Variants in SLC16A5 observed in about 807,000 individuals in gnomAD.
The protein encoded by SLC16A5 is solute carrier family 16 member 5.
A neutral mutation model predicts 33.2 loss-of-function variants in SLC16A5; 29 were observed. The observed-to-expected ratio is 0.87, with a 90% confidence interval of 0.65 to 1.19. SLC16A5 has a LOEUF of 1.19. Ranked by LOEUF, SLC16A5 falls within the 50% of genes most tolerant of loss-of-function variation. The probability of loss-of-function intolerance (pLI) is 0.00; values close to 1 mark genes in which losing one functional copy is unlikely to be tolerated. For synonymous variants in SLC16A5, 248 were observed against 284.1 expected (o/e 0.87, Z 1.28); for missense variants, 606 against 678.2 (o/e 0.89, Z 1.18).
In SLC16A5 at chr17:75,096,491, T is replaced by A. The variant is rs79459583; in HGVS notation, c.200-1547T>A. On this transcript the variant is annotated intron_variant, in intron 3 of 6. Transcript: ENST00000329783. ...GGCCACCAGCCTCTGCTTGATTATG[T>A]CTGCGACGGGCTGCTCACTTAGTCT... 8.1e-3 allele frequency among the ~76,000 whole-genome samples: 1,217 copies of A among 151,118 alleles called. 54 individuals are homozygous for A. In the East Asian group the frequency reaches 0.12, roughly 15 times the overall value.
intron 2 of SLC16A5, among the ~76,000 whole-genome samples, chr17:75,091,314 A>C (rs1303918021): frequency 6.6e-6 from 1 of 152,158 alleles, no homozygotes; most frequent in East Asian, 1.9e-4. Context: ...GAGGGAACAG[A>C]AATCTTGGGA....
chr17:75,105,167 C>T (rs948363989), intron 6 of SLC16A5: 14 of 985,276 alleles, frequency 1.4e-5, no homozygotes, highest in East Asian at 1.1e-4. Flanking sequence ...CCCATCCTGG[C>T]GCCTGTGCAG....
intron 3 of SLC16A5, among the ~76,000 whole-genome samples, chr17:75,094,558 T>G (rs568855294): frequency 0.02 from 3,047 of 151,552 alleles, 96 homozygotes; most frequent in African/African-American, 0.069. Context: ...TGGTGGCGGG[T>G]GCCTGTAATC....
intron 6 of SLC16A5, 22 bp downstream of exon 6, chr17:75,104,202 C>T: frequency 6.2e-7 from 1 of 1,611,902 alleles, no homozygotes; most frequent in African/African-American, 1.3e-5. Context: ...GCGTCTAAGA[C>T]CCAGGGTTCA....
rs757462263 is a variant in SLC16A5 at position 75,100,039 on chromosome 17, A to G, written c.376A>G (p.Ile126Val). 1 of 1,612,638 alleles carries G rather than the reference A, an allele frequency of 6.2e-7. No homozygotes were observed. Among genetic ancestry groups the G allele is most frequent in the South Asian group, 1.1e-5 (1 of 91,052 alleles). ...CATGTGCTTCAGCTTCCAGTCAAGCATCACGGTGCTGGGCTTCTACTTTGT... is the reference window on the plus strand; with the variant it reads ...CATGTGCTTCAGCTTCCAGTCAAGCGTCACGGTGCTGGGCTTCTACTTTGT... Reference protein sequence around the residue: ...LGMCFSFQSSITVLGFYFVRR... With the variant: ...LGMCFSFQSSVTVLGFYFVRR... The change falls in exon 5 of 7, where the codon ATC becomes GTC. Residue 126 changes from isoleucine to valine, a missense_variant. Coordinates refer to ENST00000329783, the MANE Select transcript of SLC16A5 (RefSeq NM_004695.4).
At chr17:75,101,763 T>C (rs1356456436) in intron 5 of SLC16A5, among the ~76,000 whole-genome samples, 2 of 151,732 alleles carry the variant, frequency 1.3e-5, no homozygotes, top group East Asian at 3.9e-4. Context: ...GCCCCCCAAG[T>C]AGCTGGGACT....
chr17:75,102,414 A>AC (rs918550997), intron 5 of SLC16A5, among the ~76,000 whole-genome samples: 5 of 152,010 alleles, frequency 3.3e-5, no homozygotes, highest in African/African-American at 1.2e-4. Flanking sequence ...ACTCGAAAAA[A>AC]ATAAAAGGTC....
intron 3 of SLC16A5, among the ~76,000 whole-genome samples, chr17:75,097,237 T>G (rs2073732043): frequency 6.6e-6 from 1 of 151,948 alleles, no homozygotes; most frequent in South Asian, 2.1e-4. Flanking sequence ...AGTTGCACTC[T>G]CGGAGAGTAA....
At chr17:75,093,274 T>C (rs867536164) in intron 2 of SLC16A5, 7 of 749,078 alleles carry the variant, frequency 9.3e-6, no homozygotes, top group Admixed American at 2.5e-5. Context: ...GACTTCTAAG[T>C]GATGTAACAA....
intron 6 of SLC16A5, 30 bp from the exon 7 acceptor site, chr17:75,105,850 C>G (rs763602965): frequency 6.5e-7 from 1 of 1,549,634 alleles, no homozygotes; most frequent in Non-Finnish European, 8.8e-7. Flanking sequence ...GCAAGAAAAC[C>G]TTATCAGGAG....
In SLC16A5 at chr17:75,105,932, G is replaced by T. The variant is rs764574438; in HGVS notation, c.1417G>T (p.Gly473Ter). 5 of 1,611,962 alleles carry T rather than the reference G, an allele frequency of 3.1e-6. No individual in the cohort carries two copies. In the African/African-American group the frequency reaches 5.3e-5, roughly 17 times the overall value. The part of the protein sequence containing the change: ...RPAGVNKHLW[G>*]CPASSRTSHE... ...AGCTGGCGTCAATAAGCATCTTTGG[G>T]GATGTCCTGCCTCCTCCAGGACCAG... Residue 473 changes from glycine (G) to a stop codon, truncating the protein, a stop_gained, in exon 7 of 7, where the codon GGA becomes TGA. Transcript: ENST00000329783. LOFTEE classifies it low-confidence loss of function (END_TRUNC).
chr17:75,089,880 G>T (rs28377555), intron 2 of SLC16A5: 1 of 151,820 alleles, frequency 6.6e-6, no homozygotes, highest in African/African-American at 2.4e-5. Context: ...ACTCAGGAGC[G>T]GTAGTAAGAA....
intron 6 of SLC16A5, 87 bp from the exon 7 acceptor site, chr17:75,105,793 G>A (rs2073855295): frequency 2.1e-6 from 3 of 1,447,818 alleles, no homozygotes; most frequent in African/African-American, 2.8e-5. Flanking sequence ...AGCAAGGGGT[G>A]CTCAGGTTCA....
intron 5 of SLC16A5, among the ~76,000 whole-genome samples, chr17:75,101,366 A>G (rs1297436233): frequency 6.6e-6 from 1 of 151,118 alleles, no homozygotes; most frequent in East Asian, 2.0e-4. Context: ...CGAGACCAAC[A>G]TGGCTAACGT....
Position 75,100,177 on chromosome 17 carries a change from T to C in SLC16A5, c.514T>C (p.Phe172Leu). The change falls in exon 5 of 7, where the codon TTC (phenylalanine) becomes CTC (leucine). Residue 172 changes from phenylalanine to leucine, a missense_variant. By Grantham distance (22) the Phe-to-Leu change is conservative (BLOSUM62 0). Coordinates refer to ENST00000329783, the MANE Select transcript of SLC16A5 (RefSeq NM_004695.4). ...GGAGAACCTGGGCTGGAGGGGTACC[T>C]TCCTTGTCTTCGGCGGGATCTTTCT... ...LLENLGWRGT[F>L]LVFGGIFLHC... is the part of the protein sequence containing the mutation. The C allele has an allele frequency of 6.2e-7, 1 of 1,614,214 alleles. No individual in the cohort carries two copies. Among genetic ancestry groups the C allele is most frequent in the South Asian group, 1.1e-5 (1 of 91,088 alleles).
At position 75,104,026 on chromosome 17, in the gene SLC16A5, T is replaced by G. The variant is rs770895370; in HGVS notation, c.1210T>G (p.Phe404Val). 3.1e-6 allele frequency: 5 copies of G among 1,614,120 alleles called. No homozygotes were observed. The highest frequency in any genetic ancestry group is 4.2e-6 in the Non-Finnish European group (5 of 1,180,050). The change falls in exon 6 of 7, where the codon TTC (phenylalanine) becomes GTC (valine). Residue 404 changes from phenylalanine (F) to valine (V), a missense_variant. Coordinates refer to ENST00000329783, the MANE Select transcript of SLC16A5 (RefSeq NM_004695.4). ...FSYVFYMSSFFLISAALFMGG... is the reference protein window; with the variant it reads ...FSYVFYMSSFVLISAALFMGG... Reference sequence around the variant, plus strand: ...CTATGTTTTCTACATGTCCAGCTTCTTCCTCATCTCAGCTGCCCTCTTCAT... The same window carrying G: ...CTATGTTTTCTACATGTCCAGCTTCGTCCTCATCTCAGCTGCCCTCTTCAT...
intron 5 of SLC16A5, among the ~76,000 whole-genome samples, chr17:75,103,640 T>C (rs768290308): frequency 9.9e-5 from 15 of 152,206 alleles, no homozygotes; most frequent in Admixed American, 5.9e-4. Context: ...AAGGGAATTC[T>C]TTAAGCAAAC....
At chr17:75,109,957 C>T (rs2073894008), downstream of SLC16A5, 3 of 278,578 alleles carry the variant, frequency 1.1e-5, no homozygotes, top group Admixed American at 9.9e-5. The surrounding 1 kb of genome is among the most constrained non-coding windows in gnomAD (Gnocchi z 5.0). Flanking sequence ...GCGCGGCTTC[C>T]GCCGGGAGCC....
intron 5 of SLC16A5, among the ~76,000 whole-genome samples, chr17:75,101,734 A>G (rs1192261946): frequency 6.6e-6 from 1 of 151,840 alleles, no homozygotes; most frequent in Non-Finnish European, 1.5e-5. Context: ...TGCCAGACTC[A>G]AGTGATCTTC....
Sources: gnomAD v4.1 joint callset for allele counts (sites outside exome capture counted in the v4.1 genomes callset) on GRCh38, gnomAD v4.1.1 for gene constraint, Gnocchi (gnomAD v3.1) non-coding constraint, MANE v1.5 for transcripts, NCBI Gene and HGNC (gene_info 2026-07-23, HGNC 2026-07-21) for gene names.